STX17: variants seen among roughly 807,000 people sequenced by gnomAD.
STX17 encodes syntaxin-17.
STX17 carries 29 observed loss-of-function variants against 35.9 expected under a neutral mutation model. That is an observed-to-expected ratio of 0.81 (90% confidence interval 0.60 to 1.10). STX17 has a LOEUF of 1.10. Ranked by LOEUF, STX17 falls within the 50% of genes least tolerant of loss-of-function variation. STX17 has a pLI of 0.00. For synonymous variants in STX17, 92 were observed against 118.3 expected, an observed-to-expected ratio of 0.78 and a Z score of 1.44; for missense variants, 312 against 352.3, an observed-to-expected ratio of 0.89 and a Z score of 0.92.
At chr9:99,912,044 T>C (rs760875219) in intron 1 of STX17, among the ~76,000 whole-genome samples, 1 of 152,142 alleles carries the variant, frequency 6.6e-6, no homozygotes, top group Non-Finnish European at 1.5e-5. Context: ...TTGGCCAACA[T>C]GGCAAAATCC....
intron 1 of STX17, among the ~76,000 whole-genome samples, chr9:99,913,599 T>C (rs1203488368): frequency 6.6e-6 from 1 of 152,218 alleles, no homozygotes; most frequent in Non-Finnish European, 1.5e-5. Context: ...CTTTAGTTTC[T>C]TTTTAAAATT....
At chr9:99,967,472 C>CCTG in intron 6 of STX17, 181 bp from the exon 7 acceptor site, 2 of 377,444 alleles carry the variant, frequency 5.3e-6, no homozygotes, top group East Asian at 4.3e-5. Flanking sequence ...AGACCCCCCC[C>CCTG]TTTTTTTTAT....
Position 99,972,924 on chromosome 9 carries a change from T to C in STX17, c.*4251T>C, listed in dbSNP as rs1830042971. ...CTGTGGTTCACAGGTACTTAACGAA[T>C]GTTAGATGATGTTCTTAAGTAATCA... On this transcript the variant is annotated 3_prime_UTR_variant, in exon 8 of 8. Transcript: ENST00000259400. Among the ~76,000 whole-genome samples, 1 of 152,158 alleles carries C rather than the reference T, an allele frequency of 6.6e-6. No homozygotes were observed. Among genetic ancestry groups the C allele is most frequent in the Non-Finnish European group, 1.5e-5 (1 of 68,038 alleles).
At chr9:99,927,019 C>T (rs1431537542) in intron 2 of STX17, among the ~76,000 whole-genome samples, 1 of 152,204 alleles carries the variant, frequency 6.6e-6, no homozygotes, top group African/African-American at 2.4e-5. Flanking sequence ...GTTGTTCCCT[C>T]ACATGCATGT....
At chr9:99,917,766 T>G (rs899315567) in intron 2 of STX17, among the ~76,000 whole-genome samples, 4 of 152,200 alleles carry the variant, frequency 2.6e-5, no homozygotes, top group African/African-American at 9.7e-5. Context: ...ATTTTCTTTG[T>G]TTCGTATTGT....
intron 3 of STX17, among the ~76,000 whole-genome samples, chr9:99,942,778 A>C (rs1330848415): frequency 1.3e-5 from 2 of 151,994 alleles, no homozygotes; most frequent in African/African-American, 4.8e-5. Flanking sequence ...AGGCATAATG[A>C]TTTGAAAACT....
intron 2 of STX17, among the ~76,000 whole-genome samples, chr9:99,918,602 A>G (rs989171035): frequency 4.1e-5 from 6 of 147,074 alleles, no homozygotes; most frequent in African/African-American, 1.5e-4. Context: ...GTTTCAGCAT[A>G]TAGTATTATA....
intron 3 of STX17, among the ~76,000 whole-genome samples, chr9:99,940,655 A>G (rs1371091281): frequency 1.3e-5 from 2 of 151,430 alleles, no homozygotes; most frequent in Non-Finnish European, 2.9e-5. Context: ...ATTTTCTTGT[A>G]TTTTTAGTAG....
chr9:99,908,855 A>G (rs1045274741), intron 1 of STX17, among the ~76,000 whole-genome samples: 18 of 152,358 alleles, frequency 1.2e-4, no homozygotes, highest in African/African-American at 4.3e-4. Context: ...ATACCCATGC[A>G]TACACAAAGA....
chr9:99,911,896 G>T (rs1227200050), intron 1 of STX17, among the ~76,000 whole-genome samples: 1 of 152,154 alleles, frequency 6.6e-6, no homozygotes, highest in African/African-American at 2.4e-5. Flanking sequence ...TTTCATAATG[G>T]CTGTACTAAT....
At chr9:99,936,889 TC>T (rs1415646340) in intron 3 of STX17, among the ~76,000 whole-genome samples, 2 of 152,210 alleles carry the variant, frequency 1.3e-5, no homozygotes, top group South Asian at 2.1e-4. Flanking sequence ...CTTATGTAGA[TC>T]CATATTTCCA....
At chr9:99,966,663 G>GGCTT (rs1316510415) in intron 6 of STX17, among the ~76,000 whole-genome samples, 1 of 151,558 alleles carries the variant, frequency 6.6e-6, no homozygotes, top group Admixed American at 6.6e-5. Flanking sequence ...ATTATATGTT[G>GGCTT]GCTTATACAT....
chr9:99,909,594 G>T (rs1587906524), intron 1 of STX17, among the ~76,000 whole-genome samples: 1 of 152,280 alleles, frequency 6.6e-6, no homozygotes, highest in African/African-American at 2.4e-5. Context: ...GAGTTAATAA[G>T]AGAAAGACAT....
At chr9:99,920,257 G>T (rs944236060) in intron 2 of STX17, among the ~76,000 whole-genome samples, 1 of 152,178 alleles carries the variant, frequency 6.6e-6, no homozygotes, top group Admixed American at 6.5e-5. Flanking sequence ...GTGGAAACTG[G>T]AAAGATTTTC....
chr9:99,932,352 C>G (rs1443115484), intron 3 of STX17, among the ~76,000 whole-genome samples: 1 of 151,426 alleles, frequency 6.6e-6, no homozygotes, highest in Non-Finnish European at 1.5e-5. Flanking sequence ...TGAAGGAAAA[C>G]AGATTGATTT....
intron 2 of STX17, among the ~76,000 whole-genome samples, chr9:99,928,001 A>C (rs760889572): frequency 6.6e-6 from 1 of 152,128 alleles, no homozygotes; most frequent in African/African-American, 2.4e-5. Flanking sequence ...ATCCTTTCAA[A>C]TTATTTCTAA....
rs1009801984 is a variant in STX17, at chr9:99,970,364, A to G, written c.*1691A>G. 2.6e-5 allele frequency: 4 copies of G among 152,234 alleles called. No individual in the cohort carries two copies. Among genetic ancestry groups the G allele is most frequent in the Non-Finnish European group, 4.4e-5 (3 of 68,044 alleles). 9.4% of individuals were successfully genotyped at this position (152,234 alleles called of 1,614,324 possible). On this transcript the variant is annotated 3_prime_UTR_variant, in exon 8 of 8. Transcript: ENST00000259400. ...CAAGTATTGCTCTCTGCTGCTTTAT[A>G]TCATTAACATATTAATAATACCAAG...
chr9:99,930,808 T>C (rs193030604), intron 3 of STX17, among the ~76,000 whole-genome samples: 6 of 152,324 alleles, frequency 3.9e-5, no homozygotes, highest in Admixed American at 3.3e-4. Flanking sequence ...TATAAGTAAT[T>C]GTATTTCTAA....
At chr9:99,916,221 C>G (rs1355086132) in intron 2 of STX17, 2 of 356,162 alleles carry the variant, frequency 5.6e-6, no homozygotes, top group Non-Finnish European at 1.1e-5. Context: ...TGCATAGAAC[C>G]TACCATGCTC....
Sources: allele counts gnomAD v4.1 joint callset (sites outside exome capture counted in the v4.1 genomes callset), GRCh38; gene constraint gnomAD v4.1.1; transcripts MANE v1.5; gene names NCBI Gene and HGNC (gene_info 2026-07-23, HGNC 2026-07-21).